Variants in CASK observed in about 807,000 individuals in gnomAD.
CASK encodes the protein peripheral plasma membrane protein CASK.
Under a neutral mutation model 82.9 loss-of-function variants are expected in CASK, and 4 were observed. The ratio of observed to expected loss-of-function variants is 0.05; its 90% CI spans 0.02 to 0.11. The LOEUF (loss-of-function observed/expected upper bound fraction) is 0.11, where lower values mean the gene tolerates loss of function less well. Ranked by LOEUF, CASK falls within the 10% of genes least tolerant of loss-of-function variation. The pLI is 1.00. For missense variants in CASK, 358 were observed against 720.9 expected (o/e 0.50, Z 5.76); for synonymous variants, 259 against 253.5 (o/e 1.02, Z -0.20).
At chrX:41,844,960 T>C (rs2071122729) in intron 2 of CASK, among the ~76,000 whole-genome samples, 1 of 112,169 alleles carries the variant, frequency 8.9e-6, no homozygotes, top group Admixed American at 9.5e-5. Context: ...GGCTACTATG[T>C]TAATTTCCAC....
At chrX:41,726,473 A>G (rs2068262422) in intron 5 of CASK, among the ~76,000 whole-genome samples, 1 of 111,602 alleles carries the variant, frequency 9.0e-6, no homozygotes, top group Admixed American at 9.6e-5. Flanking sequence ...TTCTAATAGT[A>G]TTAGGTTATA....
At chrX:41,796,287 G>C (rs1004417917) in intron 2 of CASK, among the ~76,000 whole-genome samples, 23 of 112,595 alleles carry the variant, frequency 2.0e-4, no homozygotes, top group Non-Finnish European at 3.8e-4. Context: ...TCCTATACAG[G>C]GTTGTAGTTA....
intron 1 of CASK, among the ~76,000 whole-genome samples, chrX:41,922,512 C>T (rs1266949929): frequency 8.9e-6 from 1 of 112,169 alleles, no homozygotes; most frequent in African/African-American, 3.2e-5. Flanking sequence ...AATAGACACA[C>T]ACCCCACAAT....
rs773201836 is a variant in CASK at position 41,520,354 on chromosome X, C to T, written c.*66G>A. On this transcript the variant is annotated 3_prime_UTR_variant, in exon 27 of 27. Transcript: ENST00000378163. The stretch of plus-strand genomic sequence containing the variant: ...GGACCATGACCTGCTGACACAAGGC[C>T]GATAACAAAGAGGCTTTTCCACAAA... 1.5e-5 allele frequency: 14 copies of T among 918,869 alleles called. No homozygotes were observed. The highest frequency in any genetic ancestry group is 3.9e-4 in the Middle Eastern group (1 of 2,578). The allele number at this position is 918,869 out of a possible 1,213,427, so 75.7% of individuals were successfully genotyped here. A position where few individuals can be genotyped will look rare whatever the true frequency, so the allele number is the denominator to read the frequency against.
At chrX:41,676,411 A>G in intron 5 of CASK, 1 of 1,197,691 alleles carries the variant, frequency 8.3e-7, no homozygotes, top group East Asian at 3.0e-5. Context: ...GCTCAGTTAC[A>G]GACTTCATGC....
At chrX:41,787,736 C>G (rs1052069894) in intron 2 of CASK, among the ~76,000 whole-genome samples, 1 of 111,028 alleles carries the variant, frequency 9.0e-6, no homozygotes, top group Non-Finnish European at 1.9e-5. Flanking sequence ...ATTCTTTAGC[C>G]TAAAATCTAG....
chrX:41,538,518 A>G (rs1248446458), intron 22 of CASK, among the ~76,000 whole-genome samples: 1 of 111,874 alleles, frequency 8.9e-6, no homozygotes, highest in Non-Finnish European at 1.9e-5. Flanking sequence ...TTTTGTACCA[A>G]GTATACATGG....
At position 41,636,596 on chromosome X, in the gene CASK, A is replaced by G. The variant is rs1269708160; in HGVS notation, c.897T>C (p.Asn299=). The stretch of plus-strand genomic sequence containing the variant: ...AATTTACCTTTAGTTTCCTCCTTGC[A>G]TTGAATTTCCTCAGCTGCTCTACTG... The part of the protein sequence containing the change: ...PETVEQLRKF[N]ARRKLKGAVL... The change falls in exon 9 of 27, where the codon AAT becomes AAC. Residue 299 remains asparagine (N), a synonymous_variant. Coordinates refer to ENST00000378163, the MANE Select transcript of CASK (RefSeq NM_001367721.1). 5 of 1,185,945 alleles carry G rather than the reference A, an allele frequency of 4.2e-6. No individual in the cohort carries two copies. The highest frequency in any genetic ancestry group is 1.8e-5 in the African/African-American group (1 of 56,806).
intron 22 of CASK, among the ~76,000 whole-genome samples, chrX:41,537,952 TCTC>T (rs1434163525): frequency 1.8e-5 from 2 of 109,252 alleles, no homozygotes; most frequent in Non-Finnish European, 3.8e-5. Flanking sequence ...TTCAAGTGAT[TCTC>T]CTGCCTCAGC....
At chrX:41,660,106 A>G (rs2067009229) in intron 8 of CASK, 1 of 320,154 alleles carries the variant, frequency 3.1e-6, no homozygotes, top group Admixed American at 5.5e-5. Context: ...CAAAATAAAG[A>G]TAGTTAATTT....
At chrX:41,543,721 G>A (rs2064978159) in intron 21 of CASK, among the ~76,000 whole-genome samples, 1 of 111,711 alleles carries the variant, frequency 9.0e-6, no homozygotes, top group African/African-American at 3.2e-5. Flanking sequence ...GTCCCCAAGT[G>A]AGTCACATAT....
chrX:41,711,700 G>T (rs941711935), intron 5 of CASK, among the ~76,000 whole-genome samples: 3 of 110,480 alleles, frequency 2.7e-5, no homozygotes, highest in African/African-American at 9.9e-5. Flanking sequence ...TTTCTACACT[G>T]TTGTGCCCAC....
intron 1 of CASK, among the ~76,000 whole-genome samples, chrX:41,909,481 T>A (rs866202239): frequency 8.9e-6 from 1 of 112,458 alleles, no homozygotes; most frequent in African/African-American, 3.2e-5. Context: ...ACCTAACATG[T>A]TCTGAGCCCT....
chrX:41,784,938 CAAT>C (rs1292355116), intron 3 of CASK, among the ~76,000 whole-genome samples: 1 of 105,925 alleles, frequency 9.4e-6, no homozygotes, highest in Non-Finnish European at 1.9e-5. Flanking sequence ...TATATTCTCA[CAAT>C]AAAAGTTTTT....
chrX:41,727,024 T>C, intron 5 of CASK: 1 of 1,083,154 alleles, frequency 9.2e-7, no homozygotes, highest in Non-Finnish European at 1.2e-6. Context: ...AAACCTGACA[T>C]AAATGAACAA....
At chrX:41,646,590 A>G (rs2066761775) in intron 8 of CASK, among the ~76,000 whole-genome samples, 1 of 111,401 alleles carries the variant, frequency 9.0e-6, no homozygotes, top group Non-Finnish European at 1.9e-5. Flanking sequence ...CCATGTCTGG[A>G]CTGCCAGTAT....
chrX:41,559,683 C>A (rs760487167), intron 18 of CASK, 96 bp downstream of exon 18: 9 of 733,159 alleles, frequency 1.2e-5, no homozygotes, highest in African/African-American at 2.1e-5. Context: ...ACAGCACAGG[C>A]AGAAACAATT....
chrX:41,704,896 T>C (rs1046852525), intron 5 of CASK, among the ~76,000 whole-genome samples: 5 of 111,581 alleles, frequency 4.5e-5, no homozygotes, highest in South Asian at 3.7e-4. Flanking sequence ...ACCTAACTCA[T>C]AGGGTTGTTA....
At chrX:41,627,839 C>T (rs1428444689) in intron 9 of CASK, among the ~76,000 whole-genome samples, 1 of 111,576 alleles carries the variant, frequency 9.0e-6, no homozygotes, top group Non-Finnish European at 1.9e-5. Flanking sequence ...CCCGTCTCTA[C>T]TAAAAATACA....
Sources: allele counts gnomAD v4.1 joint callset (sites outside exome capture counted in the v4.1 genomes callset), GRCh38; gene constraint gnomAD v4.1.1; transcripts MANE v1.5; gene names NCBI Gene and HGNC (gene_info 2026-07-23, HGNC 2026-07-21).